Variants in HDAC4 observed in about 807,000 individuals in gnomAD.
The protein encoded by HDAC4 is histone deacetylase A.
A neutral mutation model predicts 135.1 loss-of-function variants in HDAC4; 16 were observed. The ratio of observed to expected loss-of-function variants is 0.12; its 90% CI spans 0.08 to 0.18. The LOEUF (loss-of-function observed/expected upper bound fraction) is 0.18, where lower values mean the gene tolerates loss of function less well. Ranked by LOEUF, HDAC4 falls within the 10% of genes least tolerant of loss-of-function variation. The probability of loss-of-function intolerance (pLI) is 1.00; values close to 1 mark genes in which losing one functional copy is unlikely to be tolerated. For missense variants in HDAC4, 1,143 were observed against 1,511.8 expected (o/e 0.76, Z 4.05); for synonymous variants, 685 against 653.4 (o/e 1.05, Z -0.74).
intron 2 of HDAC4, among the ~76,000 whole-genome samples, chr2:239,350,780 C>G (rs1337696958): frequency 1.3e-5 from 2 of 152,162 alleles, no homozygotes; most frequent in African/African-American, 4.8e-5. Flanking sequence ...GGGATTACAG[C>G]TGTGGGCCTC....
At chr2:239,191,203 G>T (rs1282769354) in intron 3 of HDAC4, 1 of 341,956 alleles carries the variant, frequency 2.9e-6, no homozygotes, top group Admixed American at 3.9e-5. Context: ...CAAGCTCAGA[G>T]GGGTGTCTGG....
chr2:239,067,046 G>A (rs2033595876), intron 23 of HDAC4, 191 bp from the exon 24 acceptor site: 2 of 684,676 alleles, frequency 2.9e-6, no homozygotes, highest in African/African-American at 1.8e-5. Context: ...CTGTTTGAGA[G>A]GAGGAATTAT....
chr2:239,159,214 TCA>T (rs957749119), intron 6 of HDAC4, among the ~76,000 whole-genome samples: 11 of 143,312 alleles, frequency 7.7e-5, no homozygotes, highest in African/African-American at 2.4e-4. Context: ...CTCACATTAC[TCA>T]CACCCACATC....
chr2:239,392,181 C>G (rs967944005), intron 1 of HDAC4, among the ~76,000 whole-genome samples: 3 of 152,230 alleles, frequency 2.0e-5, no homozygotes, highest in African/African-American at 7.2e-5. Flanking sequence ...AGCTGCTGCC[C>G]CAGCCAGCAA....
intron 3 of HDAC4, among the ~76,000 whole-genome samples, chr2:239,206,055 C>A (rs1194051078): frequency 6.6e-6 from 1 of 152,092 alleles, no homozygotes. Context: ...TTAGTTACAC[C>A]CAGTGGCTTA....
At chr2:239,138,726 T>C (rs895475562) in intron 9 of HDAC4, among the ~76,000 whole-genome samples, 1 of 152,184 alleles carries the variant, frequency 6.6e-6, no homozygotes, top group Non-Finnish European at 1.5e-5. Flanking sequence ...TCCTTGTCAG[T>C]GGGGCATTGT....
intron 22 of HDAC4, among the ~76,000 whole-genome samples, chr2:239,073,188 C>T (rs748251826): frequency 6.6e-5 from 10 of 152,210 alleles, no homozygotes; most frequent in Non-Finnish European, 1.2e-4. Context: ...TCACAGGAGA[C>T]CCTGGGTGGC....
chr2:239,199,094 C>T (rs1320474503), intron 3 of HDAC4, among the ~76,000 whole-genome samples: 2 of 85,488 alleles, frequency 2.3e-5, no homozygotes, highest in African/African-American at 4.8e-5. Flanking sequence ...CTTCCCCTGA[C>T]CTCCTGCTTC....
intron 2 of HDAC4, among the ~76,000 whole-genome samples, chr2:239,239,448 C>G (rs1345261973): frequency 6.6e-6 from 1 of 152,176 alleles, no homozygotes; most frequent in South Asian, 2.1e-4. Flanking sequence ...CTCGTCTCTG[C>G]GTCCTGGTGA....
At chr2:239,230,368 C>CAAAAAAAAAAAAAAA (rs56105562) in intron 3 of HDAC4, among the ~76,000 whole-genome samples, 16 of 79,390 alleles carry the variant, frequency 2.0e-4, no homozygotes, top group African/African-American at 7.2e-4. Flanking sequence ...AGCAAGCAAG[C>CAAAAAAAAAAAAAAA]AAAAAAAAAA....
At chr2:239,124,099 G>A (rs144626265) in intron 12 of HDAC4, among the ~76,000 whole-genome samples, 54 of 152,226 alleles carry the variant, frequency 3.5e-4, no homozygotes, top group Middle Eastern at 3.4e-3. Flanking sequence ...GTTTCTCCAC[G>A]TTCCCCTCCC....
intron 1 of HDAC4, among the ~76,000 whole-genome samples, chr2:239,373,459 T>TTTG (rs1356799931): frequency 4.1e-5 from 6 of 144,802 alleles, no homozygotes; most frequent in Admixed American, 6.8e-5. Context: ...TAGTAAACTT[T>TTTG]TTGTTGTTGT....
At chr2:239,219,866 G>C (rs951311141) in intron 3 of HDAC4, among the ~76,000 whole-genome samples, 1 of 152,166 alleles carries the variant, frequency 6.6e-6, no homozygotes, top group African/African-American at 2.4e-5. Flanking sequence ...GTACCTTCGA[G>C]TAAAAACACA....
chr2:239,083,111 T>C (rs3791372), intron 20 of HDAC4, among the ~76,000 whole-genome samples: 84,751 of 152,234 alleles, frequency 0.56, 23,905 homozygotes, highest in African/African-American at 0.62. Flanking sequence ...TTTCCCGACA[T>C]GTGGCTTCAC....
intron 1 of HDAC4, among the ~76,000 whole-genome samples, chr2:239,395,681 G>A (rs896736561): frequency 6.6e-6 from 1 of 152,158 alleles, no homozygotes. Context: ...GTGGCCCGGG[G>A]ACTGCTCCAG....
At chr2:239,160,377 T>C (rs2042715589) in intron 6 of HDAC4, among the ~76,000 whole-genome samples, 1 of 152,170 alleles carries the variant, frequency 6.6e-6, no homozygotes, top group African/African-American at 2.4e-5. Context: ...ACGTGTGGCT[T>C]GTGGCAGCCA....
intron 1 of HDAC4, among the ~76,000 whole-genome samples, chr2:239,365,489 C>T (rs757474443): frequency 2.6e-5 from 4 of 152,240 alleles, no homozygotes; most frequent in Non-Finnish European, 5.9e-5. Context: ...GATTCTGGAA[C>T]GTTCGGAAGA....
chr2:239,231,950 C>A (rs2047595912), intron 3 of HDAC4, among the ~76,000 whole-genome samples: 1 of 142,590 alleles, frequency 7.0e-6, no homozygotes, highest in African/African-American at 2.6e-5. Context: ...ATCGAGGCTG[C>A]TGAGCACCTG....
intron 2 of HDAC4, among the ~76,000 whole-genome samples, chr2:239,296,124 C>T (rs866853284): frequency 6.6e-6 from 1 of 152,206 alleles, no homozygotes; most frequent in South Asian, 2.1e-4. Context: ...AAGGGGAGCA[C>T]CAAACTGGAG....
Sources: gnomAD v4.1 joint callset for allele counts (sites outside exome capture counted in the v4.1 genomes callset) on GRCh38, gnomAD v4.1.1 for gene constraint, MANE v1.5 for transcripts, NCBI Gene and HGNC (gene_info 2026-07-23, HGNC 2026-07-21) for gene names.